The following EIF3CL variants were observed in gnomAD, a reference collection of about 807,000 sequenced individuals.
EIF3CL encodes the protein eukaryotic translation initiation factor 3 subunit C like, also known as eukaryotic translation initiation factor 3 subunit C-like protein.
For synonymous variants in EIF3CL, 2 were observed against 19.6 expected (o/e 0.10, Z 2.37); for missense variants, 5 against 56.1 (o/e 0.09, Z 2.91).
chr16:28,405,844 C>T (rs1478487673), upstream of EIF3CL, among the ~76,000 whole-genome samples: 2 of 152,276 alleles, frequency 1.3e-5, no homozygotes, highest in African/African-American at 4.8e-5. Flanking sequence ...TTCCAGATGT[C>T]ACTTTGTGCC....
chr16:28,412,274 T>G, the EIF3CL span, among the ~76,000 whole-genome samples: 2 of 15,490 alleles, frequency 1.3e-4, no homozygotes, highest in Non-Finnish European at 2.1e-4. Context: ...CTAGTTTTTT[T>G]TTTTTTTTTT....
At chr16:28,408,318 C>T (rs1458996916), upstream of EIF3CL, among the ~76,000 whole-genome samples, 1 of 41,920 alleles carries the variant, frequency 2.4e-5, no homozygotes, top group Non-Finnish European at 4.3e-5. Flanking sequence ...ACAAACGTAA[C>T]ATGGGTGTAT....
chr16:28,415,492 G>A, the EIF3CL span, among the ~76,000 whole-genome samples: 37 of 141,952 alleles, frequency 2.6e-4, 3 homozygotes, highest in African/African-American at 8.1e-4. Flanking sequence ...GCTCACACCC[G>A]TAATCCCAGC....
chr16:28,415,848 CTCTCCG>C, the EIF3CL span, among the ~76,000 whole-genome samples: 6 of 75,934 alleles, frequency 7.9e-5, 1 homozygote, highest in South Asian at 1.7e-3. Flanking sequence ...CTCCCTCTCC[CTCTCCG>C]TCTCCGTCTC....
chr16:28,425,549 G>A, the EIF3CL span, among the ~76,000 whole-genome samples: 1 of 107,446 alleles, frequency 9.3e-6, no homozygotes, highest in African/African-American at 4.0e-5. Context: ...GATTACCGAC[G>A]TCCAGTTCCC....
chr16:28,417,873 A>G, the EIF3CL span, among the ~76,000 whole-genome samples: 1 of 5,332 alleles, frequency 1.9e-4, no homozygotes, highest in African/African-American at 6.1e-4. Context: ...TTAGGAATGC[A>G]AAAAAAAAAA....
At chr16:28,423,727 A>G in the EIF3CL span, among the ~76,000 whole-genome samples, 4 of 71,316 alleles carry the variant, frequency 5.6e-5, 1 homozygote, top group Admixed American at 1.8e-4. Context: ...CCCAGCAACC[A>G]TAGGCTTTAA....
chr16:28,417,638 C>T, the EIF3CL span, among the ~76,000 whole-genome samples: 13 of 98,102 alleles, frequency 1.3e-4, no homozygotes, highest in African/African-American at 4.7e-4. Flanking sequence ...TAAGAGTCAT[C>T]ACCAATCCCT....
chr16:28,417,281 C>G, the EIF3CL span, among the ~76,000 whole-genome samples: 2 of 149,056 alleles, frequency 1.3e-5, no homozygotes, highest in African/African-American at 5.0e-5. Context: ...AAGTGAGGAG[C>G]CCCTCTGACC....
At chr16:28,417,891 A>C in the EIF3CL span, among the ~76,000 whole-genome samples, 1 of 116,470 alleles carries the variant, frequency 8.6e-6, no homozygotes, top group African/African-American at 2.9e-5. Flanking sequence ...AAAAAAAAAA[A>C]AATTAGCCAG....
At chr16:28,422,755 C>T in the EIF3CL span, among the ~76,000 whole-genome samples, 5 of 136,922 alleles carry the variant, frequency 3.7e-5, no homozygotes, top group South Asian at 2.2e-4. Flanking sequence ...GAAAATCCCT[C>T]GAACTCGGGA....
chr16:28,414,628 C>T, the EIF3CL span: 35 of 290,260 alleles, frequency 1.2e-4, 2 homozygotes, highest in Non-Finnish European at 2.0e-4. Flanking sequence ...GAGATTCAGA[C>T]GGCTGACTGC....
At chr16:28,416,790 C>T in the EIF3CL span, among the ~76,000 whole-genome samples, 1 of 100,468 alleles carries the variant, frequency 1.0e-5, no homozygotes, top group Admixed American at 1.1e-4. Flanking sequence ...CCAGCCGCCC[C>T]GTCCGGGAGG....
At chr16:28,414,213 AT>A in the EIF3CL span, 1 of 367,404 alleles carries the variant, frequency 2.7e-6, no homozygotes, top group Non-Finnish European at 5.5e-6. Context: ...CCTGACCAAC[AT>A]GGCGAAACCT....
chr16:28,388,379 T>TGAG, intron 14 of EIF3CL, 97 bp from the exon 15 acceptor site: 1 of 12,822 alleles, frequency 7.8e-5, no homozygotes, highest in Admixed American at 3.6e-4. Context: ...CTCATTCTAA[T>TGAG]ACCTCAGTTT....
intron 15 of EIF3CL, among the ~76,000 whole-genome samples, chr16:28,386,767 C>CACACACACACACACCCCTAAAAGAT (rs2045605280): frequency 1.2e-5 from 1 of 85,458 alleles, no homozygotes; most frequent in African/African-American, 4.6e-5. Context: ...CACACACACA[C>CACACACACACACACCCCTAAAAGAT]ACACACACAC....
chr16:28,418,791 G>A, the EIF3CL span, among the ~76,000 whole-genome samples: 22 of 147,334 alleles, frequency 1.5e-4, no homozygotes, highest in South Asian at 2.4e-3. Flanking sequence ...CACCACACTC[G>A]GCTAATTTTT....
chr16:28,380,962 CTCAA>C (rs1460212806), intron 16 of EIF3CL, among the ~76,000 whole-genome samples, 171 bp from the exon 17 acceptor site: 1 of 670 alleles, frequency 1.5e-3, no homozygotes, highest in Non-Finnish European at 3.2e-3. Context: ...AATGTTTGAA[CTCAA>C]TCAGTCCATA....
chr16:28,387,576 C>G (rs2045614346), intron 15 of EIF3CL, among the ~76,000 whole-genome samples: 1 of 150,278 alleles, frequency 6.7e-6, no homozygotes, highest in South Asian at 2.1e-4. Flanking sequence ...TGGAAATAAA[C>G]TGGGTGTCCG....
Sources: allele counts gnomAD v4.1 joint callset (sites outside exome capture counted in the v4.1 genomes callset), GRCh38; gene constraint gnomAD v4.1.1; transcripts MANE v1.5; gene names NCBI Gene and HGNC (gene_info 2026-07-23, HGNC 2026-07-21).